Variants in SLC22A31 observed in about 807,000 individuals in gnomAD.
SLC22A31 encodes the protein solute carrier family 22 member 31.
A neutral mutation model predicts 27.4 loss-of-function variants in SLC22A31; 42 were observed. That is an observed-to-expected ratio of 1.53 (90% CI 1.20 to 1.98). The LOEUF is 1.98. Ranked by LOEUF, SLC22A31 falls within the 30% of genes most tolerant of loss-of-function variation. SLC22A31 has a pLI of 0.00. For missense variants in SLC22A31, 593 were observed against 479.9 expected, an observed-to-expected ratio of 1.24 and a Z score of -2.20; for synonymous variants, 290 against 230.8, an observed-to-expected ratio of 1.26 and a Z score of -2.33.
In SLC22A31 at chr16:89,199,881, G is replaced by A. The variant is rs1343269020; in HGVS notation, c.25-65C>T. ...CCTCCCCTGGGGACAGGTGCAGGGAGTCCCAGAATGGCTACTGGAAGGGGC... is the reference window on the plus strand; with the variant it reads ...CCTCCCCTGGGGACAGGTGCAGGGAATCCCAGAATGGCTACTGGAAGGGGC... On this transcript the variant is annotated intron_variant, in intron 1 of 8. Coordinates refer to ENST00000682282, the MANE Select transcript of SLC22A31 (RefSeq NM_001384763.1). The A allele has an allele frequency of 1.0e-5, 4 of 401,066 alleles. No individual in the cohort carries two copies. In the East Asian group the frequency reaches 1.4e-4, roughly 14 times the overall value. 24.8% of individuals were successfully genotyped at this position (401,066 alleles called of 1,614,324 possible). A position where few individuals can be genotyped will look rare whatever the true frequency, so the allele number is the denominator to read the frequency against.
chr16:89,198,408 G>A, intron 6 of SLC22A31, 34 bp downstream of exon 6: 2 of 1,527,312 alleles, frequency 1.3e-6, no homozygotes, highest in Non-Finnish European at 1.8e-6. Flanking sequence ...CACCCCGGGG[G>A]ATGGTGCAGG....
chr16:89,200,090 C>T (rs1209750638), intron 1 of SLC22A31: 2 of 329,500 alleles, frequency 6.1e-6, no homozygotes, highest in African/African-American at 2.1e-5. Context: ...CCCACCTCCG[C>T]ACACCATTGC....
rs1011264769 is a variant in SLC22A31, at chr16:89,196,957, AAAG to A, written c.1034+338_1034+340del. 3.8e-3 allele frequency among the ~76,000 whole-genome samples: 583 copies of A among 151,472 alleles called. 3 individuals carry two copies. Among genetic ancestry groups the A allele is most frequent in the African/African-American group, 7.1e-3 (292 of 41,308 alleles). ...GAGACTCCATCTCAAAAAAAAAAAA[AAAG>A]AAGAAGAAGAAGATCGAAAAGTGAT... On this transcript the variant is annotated intron_variant, in intron 8 of 8. Coordinates refer to ENST00000682282, the MANE Select transcript of SLC22A31 (RefSeq NM_001384763.1).
rs768185234 is a variant in SLC22A31, at chr16:89,198,405, G to A, written c.707+37C>T. On this transcript the variant is annotated intron_variant, in intron 6 of 8. Transcript: ENST00000682282. ...CTCTGGGGACCATATGCCCACCCCG[G>A]GGGATGGTGCAGGACCCCAGCCCTT... 3.9e-6 allele frequency: 6 copies of A among 1,527,960 alleles called. No homozygotes were observed. The Admixed American group carries it at 1.2e-4, about 30-fold the overall frequency. The allele number at this position is 1,527,960 out of a possible 1,614,324, so 94.7% of individuals were successfully genotyped here.
In SLC22A31 at chr16:89,196,108, T is replaced by C. The variant is rs1915865696; in HGVS notation, c.1232A>G (p.Asp411Gly). ...CAGGAGTGGGGAGCGGCGCAGGCGGTCGGCGTCCTGCAGTGACTGGGGCAG... is the reference window on the plus strand; with the variant it reads ...CAGGAGTGGGGAGCGGCGCAGGCGGCCGGCGTCCTGCAGTGACTGGGGCAG... ...RGLPQSLQDA[D>G]RLRRSPLLRG... Residue 411 changes from aspartate (D) to glycine (G), a missense_variant, in exon 9 of 9, where the codon GAC becomes GGC. Asp to Gly is a moderately conservative substitution (Grantham distance 94). Transcript: ENST00000682282. The C allele has an allele frequency of 2.6e-6, 4 of 1,533,610 alleles. No individual in the cohort carries two copies. In the South Asian group the frequency reaches 4.8e-5, roughly 18 times the overall value.
rs1162009740 is a variant in SLC22A31, at chr16:89,198,701, A to G, written c.549T>C (p.Ser183=). ...RKILWRFAEA[S]GVGPGDSSLE... Reference sequence around the variant, plus strand: ...AGGAACTGTCCCCGGGGCCCACGCCACTGGCTTCTGCAAAGCGCCACAGGA... The same window carrying G: ...AGGAACTGTCCCCGGGGCCCACGCCGCTGGCTTCTGCAAAGCGCCACAGGA... The change falls in exon 5 of 9, where the codon AGT becomes AGC. Residue 183 remains serine, a synonymous_variant. Transcript: ENST00000682282. 6.5e-7 allele frequency: 1 copy of G among 1,535,766 alleles called. No homozygotes were observed. The highest frequency in any genetic ancestry group is 8.7e-7 in the Non-Finnish European group (1 of 1,146,786).
rs527382585 is a variant in SLC22A31, at chr16:89,196,434, CCCGGCCCCCAGCACCAGGCCCAGG to C, written c.1035-153_1035-130del. On this transcript the variant is annotated intron_variant, in intron 8 of 8. Transcript: ENST00000682282. ...GGCAGCCAGCCTCCTGGCCCAGGAACCCGGCCCCCAGCACCAGGCCCAGGCCGGCCCCTCTGTGGGAGAGAGTGC... is the reference window on the plus strand; with the variant it reads ...GGCAGCCAGCCTCCTGGCCCAGGAACCCGGCCCCTCTGTGGGAGAGAGTGC... 1,415 of 1,182,828 alleles carry C rather than the reference CCCGGCCCCCAGCACCAGGCCCAGG, an allele frequency of 1.2e-3. 3 individuals are homozygous for C. Among genetic ancestry groups the C allele is most frequent in the Admixed American group, 8.4e-3 (245 of 28,996 alleles). 73.3% of individuals were successfully genotyped at this position (1,182,828 alleles called of 1,614,324 possible).
At position 89,195,993 on chromosome 16, in the gene SLC22A31, G is replaced by T. The variant is rs575034517; in HGVS notation, c.*6C>A. On this transcript the variant is annotated 3_prime_UTR_variant, in exon 9 of 9. Coordinates refer to ENST00000682282, the MANE Select transcript of SLC22A31 (RefSeq NM_001384763.1). ...CCATCCTGGCTCCCAGGGCCACCAGGCAGGACTAGTGCTGCTCGGGGGTGT... is the reference window on the plus strand; with the variant it reads ...CCATCCTGGCTCCCAGGGCCACCAGTCAGGACTAGTGCTGCTCGGGGGTGT... 1.6e-5 allele frequency: 24 copies of T among 1,482,424 alleles called. No homozygotes were observed. The highest frequency in any genetic ancestry group is 6.7e-5 in the Admixed American group (3 of 44,910). The allele number at this position is 1,482,424 out of a possible 1,614,324, so 91.8% of individuals were successfully genotyped here.
chr16:89,199,933 TG>T, intron 1 of SLC22A31, 117 bp from the exon 2 acceptor site: 1 of 399,602 alleles, frequency 2.5e-6, no homozygotes, highest in Non-Finnish European at 4.4e-6. Context: ...AATCCCTCCG[TG>T]GAGAGAAGGG....
chr16:89,196,738 G>A (rs1172020776), intron 8 of SLC22A31, among the ~76,000 whole-genome samples: 1 of 152,116 alleles, frequency 6.6e-6, no homozygotes, highest in African/African-American at 2.4e-5. Context: ...ATGAGGTCAG[G>A]AGATCGAGAC....
In SLC22A31 at chr16:89,196,224, CTGCCGGCCG is replaced by C; in HGVS notation, c.1107_1115del (p.His369_Arg371del). On this transcript the variant is annotated inframe_deletion, in exon 9 of 9. Coordinates refer to ENST00000682282, the MANE Select transcript of SLC22A31 (RefSeq NM_001384763.1). ...AGACGACTTGTTGCAGGAAGAAGCC[CTGCCGGCCG>C]TGCAGGGTGTCCAGGGGGCCGGCTG... 6.5e-7 allele frequency: 1 copy of C among 1,534,708 alleles called. No homozygotes were observed. The highest frequency in any genetic ancestry group is 8.7e-7 in the Non-Finnish European group (1 of 1,146,484).
Position 89,199,900 on chromosome 16 carries a change from A to C in SLC22A31, c.25-84T>G, listed in dbSNP as rs1916384178. 6 of 400,646 alleles carry C rather than the reference A, an allele frequency of 1.5e-5. No individual in the cohort carries two copies. The East Asian group carries it at 2.1e-4, about 14-fold the overall frequency. 24.8% of individuals were successfully genotyped at this position (400,646 alleles called of 1,614,324 possible). A position where few individuals can be genotyped will look rare whatever the true frequency, so the allele number is the denominator to read the frequency against. ...CAGGGAGTCCCAGAATGGCTACTGG[A>C]AGGGGCCCTCCATGTCCTGCTCAAT... On this transcript the variant is annotated intron_variant, in intron 1 of 8. Coordinates refer to ENST00000682282, the MANE Select transcript of SLC22A31 (RefSeq NM_001384763.1).
Position 89,198,567 on chromosome 16 carries a change from G to A in SLC22A31, c.599-17C>T. On this transcript the variant is annotated splice_polypyrimidine_tract_variant and intron_variant, in intron 5 of 8. Transcript: ENST00000682282. ...TGGTCAGCTCTGTAGCCGCAGAGAT[G>A]TGAGGGGAGGGGGGTGAGGAGCTGT... The A allele has an allele frequency of 6.6e-7, 1 of 1,512,452 alleles. No homozygotes were observed. Among genetic ancestry groups the A allele is most frequent in the Non-Finnish European group, 8.8e-7 (1 of 1,131,262 alleles). The allele number at this position is 1,512,452 out of a possible 1,614,324, so 93.7% of individuals were successfully genotyped here.
intron 7 of SLC22A31, 36 bp from the exon 8 acceptor site, chr16:89,197,445 C>G: frequency 1.4e-6 from 2 of 1,460,290 alleles, no homozygotes; most frequent in African/African-American, 2.8e-5. Flanking sequence ...AGGCTCTCTC[C>G]CCAGGCCTTC....
Position 89,199,850 on chromosome 16 carries a change from C to G in SLC22A31, c.25-34G>C, listed in dbSNP as rs372174777. 68 of 401,736 alleles carry G rather than the reference C, an allele frequency of 1.7e-4. 2 individuals carry two copies. In the South Asian group the frequency reaches 7.9e-3, roughly 46 times the overall value. The allele number at this position is 401,736 out of a possible 1,614,324, so 24.9% of individuals were successfully genotyped here. A position where few individuals can be genotyped will look rare whatever the true frequency, so the allele number is the denominator to read the frequency against. On this transcript the variant is annotated intron_variant, in intron 1 of 8. Coordinates refer to ENST00000682282, the MANE Select transcript of SLC22A31 (RefSeq NM_001384763.1). The stretch of plus-strand genomic sequence containing the variant: ...AACAGCAGCCACGTGGAGGCCAGCT[C>G]AGGACCCTCCCCTGGGGACAGGTGC...
chr16:89,199,022 C>T lies in SLC22A31; in HGVS notation c.452+1G>A, dbSNP rs895490964. On this transcript the variant is annotated splice_donor_variant, in intron 4 of 8. Coordinates refer to ENST00000682282, the MANE Select transcript of SLC22A31 (RefSeq NM_001384763.1). LOFTEE classifies it high-confidence loss of function. ...GCTGGCCCAGCTCCCACCACACTTACCCCCAAAAGAGCAGCAAGAGTCCAC... is the reference window on the plus strand; with the variant it reads ...GCTGGCCCAGCTCCCACCACACTTATCCCCAAAAGAGCAGCAAGAGTCCAC... 6 of 1,535,196 alleles carry T rather than the reference C, an allele frequency of 3.9e-6. No individual in the cohort carries two copies. In the South Asian group the frequency reaches 6.0e-5, roughly 15 times the overall value.
rs1222015037 is a variant in SLC22A31, at chr16:89,196,484, G to T, written c.1035-179C>A. On this transcript the variant is annotated intron_variant, in intron 8 of 8. Coordinates refer to ENST00000682282, the MANE Select transcript of SLC22A31 (RefSeq NM_001384763.1). Reference sequence around the variant, plus strand: ...CCGGCCCCTCTGTGGGAGAGAGTGCGTTGGGGGCAGCTGGTGGGGCAACAG... The same window carrying T: ...CCGGCCCCTCTGTGGGAGAGAGTGCTTTGGGGGCAGCTGGTGGGGCAACAG... 6.7e-6 allele frequency: 8 copies of T among 1,194,000 alleles called. No homozygotes were observed. The East Asian group carries it at 1.0e-4, about 16-fold the overall frequency. The allele number at this position is 1,194,000 out of a possible 1,614,324, so 74.0% of individuals were successfully genotyped here.
chr16:89,197,989 G>A (rs1234783756), intron 7 of SLC22A31, 133 bp downstream of exon 7: 3 of 980,896 alleles, frequency 3.1e-6, no homozygotes, highest in Non-Finnish European at 4.4e-6. Flanking sequence ...AAGGATCAGA[G>A]GAAAACAAAC....
chr16:89,199,436 G>A lies in SLC22A31; in HGVS notation c.260C>T (p.Ala87Val), dbSNP rs878965254. The A allele has an allele frequency of 7.4e-6, 4 of 541,116 alleles. No homozygotes were observed. Among genetic ancestry groups the A allele is most frequent in the Non-Finnish European group, 1.3e-5 (4 of 302,862 alleles). The allele number at this position is 541,116 out of a possible 1,614,324, so 33.5% of individuals were successfully genotyped here. Residue 87 changes from alanine (A) to valine (V), a missense_variant, in exon 3 of 9, where the codon GCC becomes GTC. Coordinates refer to ENST00000682282, the MANE Select transcript of SLC22A31 (RefSeq NM_001384763.1). ...RLLHGGTLAG[A>V]LLALYLARLE... ...ACGAGCCAGATACAGGGCGAGGAGGGCCCCTGCCAATGTGCCCCCGTGGAG... is the reference window on the plus strand; with the variant it reads ...ACGAGCCAGATACAGGGCGAGGAGGACCCCTGCCAATGTGCCCCCGTGGAG...
Sources: gnomAD v4.1 joint callset for allele counts (sites outside exome capture counted in the v4.1 genomes callset) on GRCh38, gnomAD v4.1.1 for gene constraint, MANE v1.5 for transcripts, NCBI Gene and HGNC (gene_info 2026-07-23, HGNC 2026-07-21) for gene names.